VASN: variants seen among roughly 807,000 people sequenced by gnomAD.
VASN encodes the protein protein slit-like 2.
A neutral mutation model predicts 4.8 loss-of-function variants in VASN; 5 were observed. The ratio of observed to expected loss-of-function variants is 1.03; its 90% CI spans 0.54 to 2.17. The LOEUF is 2.17. VASN is among the 30% of genes most tolerant of loss of function. The pLI is 0.01. For synonymous variants in VASN, 499 were observed against 460.8 expected (o/e 1.08, Z -1.06); for missense variants, 927 against 948.8 (o/e 0.98, Z 0.30).
intron 1 of VASN, among the ~76,000 whole-genome samples, chr16:4,375,517 T>C (rs545519522): frequency 6.6e-6 from 1 of 152,208 alleles, no homozygotes; most frequent in Admixed American, 6.5e-5. Flanking sequence ...AGATGGAGTA[T>C]TGCTCTGTCA....
chr16:4,380,526 TTC>T (rs2054920082), intron 1 of VASN, among the ~76,000 whole-genome samples: 1 of 152,162 alleles, frequency 6.6e-6, no homozygotes, highest in African/African-American at 2.4e-5. Flanking sequence ...AGTCCCACCA[TTC>T]TCTCCTTCCT....
chr16:4,381,217 G>A lies in VASN; in HGVS notation c.340G>A (p.Glu114Lys), dbSNP rs774070492. Reference sequence around the variant, plus strand: ...GGACCTGACAGCCAACAGGCTGCATGAAATCACCAATGAGACCTTCCGTGG... The same window carrying A: ...GGACCTGACAGCCAACAGGCTGCATAAAATCACCAATGAGACCTTCCGTGG... ...NLDLTANRLH[E>K]ITNETFRGLR... The change falls in exon 2 of 2, where the codon GAA becomes AAA. Residue 114 changes from glutamate (E) to lysine (K), a missense_variant. Glu to Lys is a moderately conservative substitution (Grantham distance 56, BLOSUM62 1). Transcript: ENST00000304735. 4 of 1,612,206 alleles carry A rather than the reference G, an allele frequency of 2.5e-6. No homozygotes were observed. Among genetic ancestry groups the A allele is most frequent in the Non-Finnish European group, 3.4e-6 (4 of 1,179,614 alleles).
At chr16:4,379,331 C>G (rs913181392) in intron 1 of VASN, among the ~76,000 whole-genome samples, 1 of 152,048 alleles carries the variant, frequency 6.6e-6, no homozygotes, top group Admixed American at 6.5e-5. Flanking sequence ...GGGGAGGGCT[C>G]TTCCTGGGGA....
Position 4,380,743 on chromosome 16 carries a change from C to T in VASN, c.-9-126C>T, listed in dbSNP as rs866191315. The T allele has an allele frequency of 1.1e-5, 12 of 1,117,790 alleles. No individual in the cohort carries two copies. In the South Asian group the frequency reaches 1.7e-4, roughly 16 times the overall value. 69.2% of individuals were successfully genotyped at this position (1,117,790 alleles called of 1,614,324 possible). ...GGGTCGGGGCACTGGCGACCTGACT[C>T]ATAACCATTGGGTTCTCTTGCATTT... is the stretch of plus-strand genomic sequence containing the variant. On this transcript the variant is annotated intron_variant, in intron 1 of 1. Coordinates refer to ENST00000304735, the MANE Select transcript of VASN (RefSeq NM_138440.3).
intron 1 of VASN, among the ~76,000 whole-genome samples, chr16:4,374,961 G>A (rs1036515959): frequency 1.3e-5 from 2 of 152,162 alleles, no homozygotes; most frequent in Non-Finnish European, 2.9e-5. Flanking sequence ...GCAGTGAGGA[G>A]GCCCCGTGTG....
chr16:4,380,399 C>T (rs985999248), intron 1 of VASN, among the ~76,000 whole-genome samples: 1 of 152,258 alleles, frequency 6.6e-6, no homozygotes, highest in African/African-American at 2.4e-5. Flanking sequence ...GAGGGCGGGA[C>T]ACGGAGCGTG....
intron 1 of VASN, among the ~76,000 whole-genome samples, chr16:4,379,728 A>C (rs889115343): frequency 1.9e-4 from 29 of 152,026 alleles, no homozygotes; most frequent in African/African-American, 6.5e-4. Context: ...CTTGGTGCCC[A>C]GCTCAGGGCA....
In VASN at chr16:4,381,351, C is replaced by T. The variant is rs778231664; in HGVS notation, c.474C>T (p.Asn158=). 1.9e-5 allele frequency: 31 copies of T among 1,602,642 alleles called. No homozygotes were observed. The highest frequency in any genetic ancestry group is 4.5e-5 in the South Asian group (4 of 89,822). ...TCCTGGAGCTCAAGCTGCAGGACAACGAGCTGCGGGCACTGCCCCCGCTGC... is the reference window on the plus strand; with the variant it reads ...TCCTGGAGCTCAAGCTGCAGGACAATGAGCTGCGGGCACTGCCCCCGCTGC... ...DRLLELKLQD[N]ELRALPPLRL... The change falls in exon 2 of 2, where the codon AAC becomes AAT. Residue 158 remains asparagine (N), a synonymous_variant. Coordinates refer to ENST00000304735, the MANE Select transcript of VASN (RefSeq NM_138440.3).
intron 1 of VASN, among the ~76,000 whole-genome samples, chr16:4,374,526 G>A (rs2054649606): frequency 6.6e-6 from 1 of 152,164 alleles, no homozygotes; most frequent in African/African-American, 2.4e-5. Context: ...TAATTAAGGA[G>A]GGAGGAGGGA....
intron 1 of VASN, among the ~76,000 whole-genome samples, chr16:4,379,534 C>T (rs1384632416): frequency 2.0e-5 from 3 of 152,128 alleles, no homozygotes; most frequent in South Asian, 2.1e-4. Flanking sequence ...TTGCTGGCAC[C>T]GCAATGGCAG....
Position 4,382,769 on chromosome 16 carries a change from T to C in VASN, c.1892T>C (p.Leu631Ser). The change falls in exon 2 of 2, where the codon TTG becomes TCG. Residue 631 changes from leucine to serine, a missense_variant. Leu to Ser is a moderately radical substitution (Grantham distance 145). Coordinates refer to ENST00000304735, the MANE Select transcript of VASN (RefSeq NM_138440.3). The part of the protein sequence containing the change: ...PLELEGVKVP[L>S]EPGPKATEGG... ...GAACTGGAGGGAGTGAAGGTCCCCT[T>C]GGAGCCAGGCCCGAAGGCAACAGAG... is the stretch of plus-strand genomic sequence containing the variant. The C allele has an allele frequency of 6.4e-7, 1 of 1,568,564 alleles. No homozygotes were observed. The highest frequency in any genetic ancestry group is 8.6e-7 in the Non-Finnish European group (1 of 1,157,496).
At chr16:4,372,953 T>C (rs2054587745) in intron 1 of VASN, among the ~76,000 whole-genome samples, 1 of 152,136 alleles carries the variant, frequency 6.6e-6, no homozygotes, top group South Asian at 2.1e-4. Flanking sequence ...GCTGAGAGCC[T>C]CCAGGGCTGG....
chr16:4,375,161 C>T (rs1008854570), intron 1 of VASN, among the ~76,000 whole-genome samples: 2 of 152,228 alleles, frequency 1.3e-5, no homozygotes, highest in Non-Finnish European at 1.5e-5. Flanking sequence ...TGGGGCCTGG[C>T]CTTAGTCACT....
chr16:4,372,155 T>A (rs1040438378), intron 1 of VASN, among the ~76,000 whole-genome samples, 162 bp downstream of exon 1: 19 of 151,784 alleles, frequency 1.3e-4, no homozygotes, highest in African/African-American at 4.4e-4. Flanking sequence ...GGGCAGGCCC[T>A]GTACGCTCCC....
At chr16:4,374,549 C>T (rs531394588) in intron 1 of VASN, among the ~76,000 whole-genome samples, 5 of 152,186 alleles carry the variant, frequency 3.3e-5, no homozygotes, top group East Asian at 1.9e-4. Flanking sequence ...CGGCCTACAC[C>T]GGGAAGGGGC....
rs2055022027 is a variant in VASN at position 4,382,476 on chromosome 16, CTG to C, written c.1603_1604del (p.Val535HisfsTer115). ...QLRPNATYSV[C>X]VMPLGPGRVP... is the part of the protein sequence containing the mutation. ...TGCGGCCCAACGCCACTTACTCCGT[CTG>C]TGTCATGCCTTTGGGGCCCGGGCGG... is the stretch of plus-strand genomic sequence containing the variant. On this transcript the variant is annotated frameshift_variant, in exon 2 of 2. Coordinates refer to ENST00000304735, the MANE Select transcript of VASN (RefSeq NM_138440.3). LOFTEE classifies it high-confidence loss of function. 6.2e-7 allele frequency: 1 copy of C among 1,604,708 alleles called. No homozygotes were observed. The highest frequency in any genetic ancestry group is 1.3e-5 in the African/African-American group (1 of 74,816).
Position 4,381,873 on chromosome 16 carries a change from C to G in VASN, c.996C>G (p.Pro332=). ...AGGAGACGCGCTGCCACTTCCCGCC[C>G]AAGAACGCTGGCCGGCTGCTCCTGG... ...SPEETRCHFP[P]KNAGRLLLEL... The change falls in exon 2 of 2, where the codon CCC becomes CCG. Residue 332 remains proline, a synonymous_variant. Coordinates refer to ENST00000304735, the MANE Select transcript of VASN (RefSeq NM_138440.3). The G allele has an allele frequency of 4.4e-6, 7 of 1,604,270 alleles. No homozygotes were observed. Among genetic ancestry groups the G allele is most frequent in the Non-Finnish European group, 5.9e-6 (7 of 1,179,684 alleles).
chr16:4,373,970 T>G (rs2054624032), intron 1 of VASN, among the ~76,000 whole-genome samples: 1 of 152,152 alleles, frequency 6.6e-6, no homozygotes. Flanking sequence ...CCCCATCAGC[T>G]GCCCTTAGAG....
chr16:4,376,682 C>T (rs1185703814), intron 1 of VASN, among the ~76,000 whole-genome samples: 3 of 152,150 alleles, frequency 2.0e-5, no homozygotes, highest in African/African-American at 7.2e-5. Flanking sequence ...GGGTGGGCGT[C>T]CCCCTGGGAG....
Sources: allele counts gnomAD v4.1 joint callset (sites outside exome capture counted in the v4.1 genomes callset), GRCh38; gene constraint gnomAD v4.1.1; transcripts MANE v1.5; gene names NCBI Gene and HGNC (gene_info 2026-07-23, HGNC 2026-07-21).